Variants in DLAT observed in about 807,000 individuals in gnomAD.
The protein encoded by DLAT is dihydrolipoamide S-acetyltransferase.
In DLAT, 43 loss-of-function variants were observed where a neutral mutation model predicts 68.0. The ratio of observed to expected loss-of-function variants is 0.63; its 90% confidence interval spans 0.50 to 0.81. DLAT has a LOEUF of 0.81. DLAT is among the 40% of genes least tolerant of loss of function. The pLI is 0.00. For missense variants in DLAT, 745 were observed against 815.4 expected, an observed-to-expected ratio of 0.91 and a Z score of 1.05; for synonymous variants, 265 against 288.6, an observed-to-expected ratio of 0.92 and a Z score of 0.83.
chr11:112,063,825 TTC>T lies in DLAT; in HGVS notation c.*1292_*1293del, dbSNP rs1368603680. The stretch of plus-strand genomic sequence containing the variant: ...GGGAACATTATCACAATTCCAGACT[TTC>T]TATTAATATTTATGTGTTTTAATAA... On this transcript the variant is annotated 3_prime_UTR_variant, in exon 14 of 14. Transcript: ENST00000280346. 5.5e-6 allele frequency: 1 copy of T among 180,834 alleles called. No homozygotes were observed. Among genetic ancestry groups the T allele is most frequent in the Non-Finnish European group, 1.1e-5 (1 of 87,706 alleles). The allele number at this position is 180,834 out of a possible 1,614,324, so 11.2% of individuals were successfully genotyped here.
Position 112,037,375 on chromosome 11 carries a change from A to T in DLAT, c.890A>T (p.Glu297Val), listed in dbSNP as rs935735398. The T allele has an allele frequency of 5.0e-6, 8 of 1,614,230 alleles. No homozygotes were observed. Among genetic ancestry groups the T allele is most frequent in the Non-Finnish European group, 6.8e-6 (8 of 1,180,030 alleles). The change falls in exon 6 of 14, where the codon GAG becomes GTG. Residue 297 changes from glutamate to valine, a missense_variant. Glu to Val is a moderately radical substitution (Grantham distance 121). Transcript: ENST00000280346. ...CCACTCTGTATCATTGTAGAAAAAG[A>T]GGCAGATATATCAGCATTTGCTGAC... ...GTPLCIIVEK[E>V]ADISAFADYR...
At position 112,063,097 on chromosome 11, in the gene DLAT, A is replaced by T. The variant is rs1273369172; in HGVS notation, c.*562A>T. On this transcript the variant is annotated 3_prime_UTR_variant, in exon 14 of 14. Coordinates refer to ENST00000280346, the MANE Select transcript of DLAT (RefSeq NM_001931.5). ...TTCAAGGAAAATAAGTGAAATTTTA[A>T]AAGTCAGCATTTTCTTAGACCTCTT... 8 of 155,054 alleles carry T rather than the reference A, an allele frequency of 5.2e-5. No individual in the cohort carries two copies. The South Asian group carries it at 7.9e-4, about 15-fold the overall frequency. The allele number at this position is 155,054 out of a possible 1,614,324, so 9.6% of individuals were successfully genotyped here.
chr11:112,038,180 G>A (rs999035750), intron 6 of DLAT, among the ~76,000 whole-genome samples: 1 of 151,924 alleles, frequency 6.6e-6, no homozygotes, highest in South Asian at 2.1e-4. Context: ...AAGCTGGCAA[G>A]TAGCATTGTT....
Position 112,025,757 on chromosome 11 carries a change from C to T in DLAT, c.279+6C>T. 1 of 1,612,960 alleles carries T rather than the reference C, an allele frequency of 6.2e-7. No homozygotes were observed. Among genetic ancestry groups the T allele is most frequent in the Non-Finnish European group, 8.5e-7 (1 of 1,179,892 alleles). On this transcript the variant is annotated splice_donor_region_variant and intron_variant, in intron 1 of 13. Coordinates refer to ENST00000280346, the MANE Select transcript of DLAT (RefSeq NM_001931.5). ...GTCTTCCCCCGCATCAGAAGGTGAG[C>T]CCTAGACCCCCCTTCTCGGGACCCC...
At position 112,026,273 on chromosome 11, in the gene DLAT, A is replaced by C. The variant is rs1555179245; in HGVS notation, c.355A>C (p.Ile119Leu). 1 of 1,607,144 alleles carries C rather than the reference A, an allele frequency of 6.2e-7. No individual in the cohort carries two copies. Among genetic ancestry groups the C allele is most frequent in the African/African-American group, 1.3e-5 (1 of 74,662 alleles). The part of the protein sequence containing the change: ...ARWEKKEGDK[I>L]NEGDLIAEVE... ...TTGGGAAAAAAAAGAGGGGGACAAA[A>C]TCAATGAAGGTGACCTAATTGCAGA... is the stretch of plus-strand genomic sequence containing the variant. The change falls in exon 2 of 14, where the codon ATC becomes CTC. Residue 119 changes from isoleucine to leucine, a missense_variant. Physicochemically the swap from Ile to Leu is conservative, Grantham distance 5. Transcript: ENST00000280346.
At chr11:112,041,810 A>G (rs1479806917) in intron 7 of DLAT, among the ~76,000 whole-genome samples, 2 of 151,908 alleles carry the variant, frequency 1.3e-5, no homozygotes, top group African/African-American at 4.8e-5. Context: ...TGAACCTGGG[A>G]GGCCAAACTT....
intron 10 of DLAT, among the ~76,000 whole-genome samples, chr11:112,047,337 T>C (rs1179299194): frequency 6.6e-6 from 1 of 152,248 alleles, no homozygotes; most frequent in Non-Finnish European, 1.5e-5. Flanking sequence ...TAAATTTGTT[T>C]AAGTTCCTTA....
chr11:112,058,640 A>C (rs1555182849), intron 11 of DLAT, among the ~76,000 whole-genome samples: 6 of 137,016 alleles, frequency 4.4e-5, no homozygotes, highest in Admixed American at 7.2e-5. Flanking sequence ...GGGGGGAATC[A>C]CCTTTTTTTT....
chr11:112,061,120 T>C lies in DLAT; in HGVS notation c.1760T>C (p.Ile587Thr), dbSNP rs1864591959. The C allele has an allele frequency of 2.5e-6, 4 of 1,614,176 alleles. No individual in the cohort carries two copies. Among genetic ancestry groups the C allele is most frequent in the Non-Finnish European group, 3.4e-6 (4 of 1,180,010 alleles). Residue 587 changes from isoleucine to threonine, a missense_variant, in exon 13 of 14, where the codon ATT becomes ACT. Transcript: ENST00000280346. The part of the protein sequence containing the change: ...SAIINPPQAC[I>T]LAIGASEDKL... ...ATTATTAACCCACCTCAAGCATGTA[T>C]TTTGGCAATTGGTGCTTCAGAGGAT...
intron 10 of DLAT, among the ~76,000 whole-genome samples, chr11:112,048,588 C>T (rs1438993589): frequency 2.0e-5 from 3 of 152,134 alleles, no homozygotes; most frequent in African/African-American, 7.2e-5. Context: ...GACTGGGGTG[C>T]AGTGGCGTGA....
At chr11:112,058,212 A>G (rs761698220) in intron 11 of DLAT, among the ~76,000 whole-genome samples, 6 of 152,244 alleles carry the variant, frequency 3.9e-5, no homozygotes, top group Non-Finnish European at 7.3e-5. Context: ...TATAGGGAAT[A>G]CTGTCCTTAC....
In DLAT at chr11:112,045,959, GAACTT is replaced by G; in HGVS notation, c.1390_1394del (p.Leu464Ter). 1 of 1,589,846 alleles carries G rather than the reference GAACTT, an allele frequency of 6.3e-7. No homozygotes were observed. Among genetic ancestry groups the G allele is most frequent in the Non-Finnish European group, 8.6e-7 (1 of 1,158,232 alleles). On this transcript the variant is annotated frameshift_variant, in exon 10 of 14. Coordinates refer to ENST00000280346, the MANE Select transcript of DLAT (RefSeq NM_001931.5). LOFTEE classifies it high-confidence loss of function. ...GGGAGAAGTTTTGTTGGTACGGAAAGAACTTAATAAGGTAAAAGTTCTGAAAATTC... is the reference window on the plus strand; with the variant it reads ...GGGAGAAGTTTTGTTGGTACGGAAAGAATAAGGTAAAAGTTCTGAAAATTC...
intron 2 of DLAT, among the ~76,000 whole-genome samples, chr11:112,027,881 G>A (rs1321054528): frequency 6.8e-6 from 1 of 147,662 alleles, no homozygotes; most frequent in Non-Finnish European, 1.5e-5. Context: ...GCATCAGAGG[G>A]AGACCGTGGA....
At chr11:112,027,017 C>G (rs4456288) in intron 2 of DLAT, among the ~76,000 whole-genome samples, 1 of 150,656 alleles carries the variant, frequency 6.6e-6, no homozygotes, top group African/African-American at 2.4e-5. Flanking sequence ...CCCTCCCAGA[C>G]GGGGCGGCTG....
At chr11:112,056,221 T>G (rs936442943) in intron 11 of DLAT, among the ~76,000 whole-genome samples, 1 of 152,192 alleles carries the variant, frequency 6.6e-6, no homozygotes, top group African/African-American at 2.4e-5. Context: ...AAAATGTACC[T>G]GCTCTAAGTG....
chr11:112,059,887 T>C lies in DLAT; in HGVS notation c.1515-16T>C. ...ATAAACAGTTTTTTATTATATTTAT[T>C]TTTCTTTTTAAACAGAAATCATGTT... On this transcript the variant is annotated splice_polypyrimidine_tract_variant and intron_variant, in intron 11 of 13. Transcript: ENST00000280346. 1 of 1,561,628 alleles carries C rather than the reference T, an allele frequency of 6.4e-7. No homozygotes were observed. Among genetic ancestry groups the C allele is most frequent in the Non-Finnish European group, 8.7e-7 (1 of 1,152,670 alleles).
chr11:112,055,008 T>A (rs1455397187), intron 11 of DLAT, among the ~76,000 whole-genome samples: 1 of 152,292 alleles, frequency 6.6e-6, no homozygotes. Flanking sequence ...CTCAGGATCC[T>A]AATTATACCT....
At chr11:112,027,893 A>AGAGAGGGAGAGGGAGACCGTGGG (rs1249026000) in intron 2 of DLAT, among the ~76,000 whole-genome samples, 2 of 150,172 alleles carry the variant, frequency 1.3e-5, no homozygotes, top group Non-Finnish European at 3.0e-5. Context: ...GACCGTGGAA[A>AGAGAGGGAGAGGGAGACCGTGGG]GAGAGGGAGA....
chr11:112,044,538 G>A (rs958935452), intron 8 of DLAT, among the ~76,000 whole-genome samples: 17 of 152,102 alleles, frequency 1.1e-4, no homozygotes, highest in African/African-American at 3.9e-4. Flanking sequence ...TGCAACTTAA[G>A]AATGCTTCCA....
Sources: allele counts gnomAD v4.1 joint callset (sites outside exome capture counted in the v4.1 genomes callset), GRCh38; gene constraint gnomAD v4.1.1; transcripts MANE v1.5; gene names NCBI Gene and HGNC (gene_info 2026-07-23, HGNC 2026-07-21).